The following SYBU variants were observed in gnomAD, a reference collection of about 807,000 sequenced individuals.
The protein encoded by SYBU is GOLSYN A protein.
In SYBU, 21 loss-of-function variants were observed where a neutral mutation model predicts 35.9. The observed-to-expected ratio is 0.58, with a 90% confidence interval of 0.41 to 0.84. The LOEUF is 0.84. Among genes scored for constraint, SYBU ranks in the 40% least tolerant of loss-of-function variants. The probability of loss-of-function intolerance (pLI) is 0.00; values close to 1 mark genes in which losing one functional copy is unlikely to be tolerated. For missense variants in SYBU, 768 were observed against 848.2 expected, an observed-to-expected ratio of 0.91 and a Z score of 1.17; for synonymous variants, 319 against 324.3, an observed-to-expected ratio of 0.98 and a Z score of 0.18.
At chr8:109,594,414 C>G (rs1324015008) in intron 3 of SYBU, among the ~76,000 whole-genome samples, 2 of 152,090 alleles carry the variant, frequency 1.3e-5, no homozygotes, top group African/African-American at 4.8e-5. Context: ...AATTCTAGAC[C>G]ACAAATGGAA....
chr8:109,651,878 G>A (rs1816156232), intron 1 of SYBU, among the ~76,000 whole-genome samples: 1 of 152,104 alleles, frequency 6.6e-6, no homozygotes, highest in Non-Finnish European at 1.5e-5. Flanking sequence ...ATGACTTATG[G>A]CATATAAAGG....
intron 1 of SYBU, among the ~76,000 whole-genome samples, chr8:109,673,152 T>A (rs968226963): frequency 2.6e-5 from 4 of 152,154 alleles, no homozygotes; most frequent in African/African-American, 9.7e-5. Flanking sequence ...AAGAGAGCAA[T>A]GGATCTCCCA....
At chr8:109,661,272 A>T (rs1816550354) in intron 1 of SYBU, among the ~76,000 whole-genome samples, 1 of 152,228 alleles carries the variant, frequency 6.6e-6, no homozygotes, top group South Asian at 2.1e-4. Context: ...GCTCCCTATC[A>T]GGGTGAGGAG....
chr8:109,632,427 T>A (rs889357519), intron 2 of SYBU, among the ~76,000 whole-genome samples: 2 of 152,204 alleles, frequency 1.3e-5, no homozygotes, highest in Non-Finnish European at 2.9e-5. Context: ...AAGTGAGTTG[T>A]CTTGTAGCAA....
Position 109,586,165 on chromosome 8 carries a change from G to C in SYBU, c.428-3C>G. 6.3e-7 allele frequency: 1 copy of C among 1,598,618 alleles called. No individual in the cohort carries two copies. The highest frequency in any genetic ancestry group is 8.5e-7 in the Non-Finnish European group (1 of 1,172,060). ...GGAGCTAAAATCAGCTTCACTACCT[G>C]AAAAACAACAGGGGAGAGAGAAGCG... On this transcript the variant is annotated splice_polypyrimidine_tract_variant and splice_region_variant and intron_variant, in intron 3 of 6. Coordinates refer to ENST00000276646, the MANE Select transcript of SYBU (RefSeq NM_001099754.2).
In SYBU at chr8:109,575,782, G is replaced by A; in HGVS notation, c.1116C>T (p.Leu372=). The change falls in exon 7 of 7, where the codon CTC becomes CTT. Residue 372 remains leucine, a synonymous_variant. Transcript: ENST00000276646. ...INIQNKKLES[L]LQSMEMAHSG... The stretch of plus-strand genomic sequence containing the variant: ...TGTGTGCCATCTCCATGCTCTGAAG[G>A]AGAGACTCCAGCTTCTTGTTTTGGA... 1.2e-6 allele frequency: 2 copies of A among 1,614,128 alleles called. No individual in the cohort carries two copies. The highest frequency in any genetic ancestry group is 1.1e-5 in the South Asian group (1 of 91,084).
chr8:109,639,489 T>C (rs1814611843), intron 2 of SYBU, among the ~76,000 whole-genome samples: 1 of 152,242 alleles, frequency 6.6e-6, no homozygotes, highest in African/African-American at 2.4e-5. Context: ...CCTTCCTCTA[T>C]AATTTCATTA....
At chr8:109,629,490 G>A (rs1813354618) in intron 2 of SYBU, among the ~76,000 whole-genome samples, 1 of 152,188 alleles carries the variant, frequency 6.6e-6, no homozygotes, top group Non-Finnish European at 1.5e-5. Flanking sequence ...ATCAGTAAGT[G>A]GCAGAGTGTA....
At chr8:109,615,869 G>C (rs1245872990) in intron 3 of SYBU, among the ~76,000 whole-genome samples, 1 of 151,982 alleles carries the variant, frequency 6.6e-6, no homozygotes, top group Non-Finnish European at 1.5e-5. Flanking sequence ...TCTGGAGTAT[G>C]GGTCCATAGT....
chr8:109,665,185 T>G (rs1816711718), intron 1 of SYBU, among the ~76,000 whole-genome samples: 1 of 152,222 alleles, frequency 6.6e-6, no homozygotes, highest in Non-Finnish European at 1.5e-5. Flanking sequence ...TGTATTTTAT[T>G]TAACTTAATA....
chr8:109,629,810 T>C (rs979957616), intron 2 of SYBU, among the ~76,000 whole-genome samples: 10 of 152,072 alleles, frequency 6.6e-5, no homozygotes, highest in Admixed American at 2.0e-4. Flanking sequence ...GCACCTGTGG[T>C]TTCCTGACTT....
intron 1 of SYBU, among the ~76,000 whole-genome samples, chr8:109,650,283 A>G (rs764043117): frequency 1.1e-4 from 16 of 152,226 alleles, no homozygotes; most frequent in Non-Finnish European, 1.8e-4. Context: ...GTTCTCCATA[A>G]TGCACTTTAT....
chr8:109,615,675 TGCTCA>T (rs1325319094), intron 3 of SYBU, among the ~76,000 whole-genome samples: 1 of 152,204 alleles, frequency 6.6e-6, no homozygotes, highest in Non-Finnish European at 1.5e-5. Context: ...AGCTAAAAAC[TGCTCA>T]GGTGATATTT....
At chr8:109,637,179 G>A (rs1814325460) in intron 2 of SYBU, among the ~76,000 whole-genome samples, 1 of 152,186 alleles carries the variant, frequency 6.6e-6, no homozygotes, top group Non-Finnish European at 1.5e-5. Context: ...CAATAGTTTT[G>A]GGGTAAGGCC....
chr8:109,686,353 C>G (rs7826348), intron 1 of SYBU, among the ~76,000 whole-genome samples: 13,457 of 152,174 alleles, frequency 0.088, 674 homozygotes, highest in East Asian at 0.12. Flanking sequence ...AAAGAATGTT[C>G]ATATAGATAA....
chr8:109,672,535 A>C (rs143547762), intron 1 of SYBU, among the ~76,000 whole-genome samples: 2 of 152,322 alleles, frequency 1.3e-5, no homozygotes, highest in East Asian at 3.9e-4. Flanking sequence ...TTCACAACCC[A>C]CAGACCAGGA....
intron 1 of SYBU, among the ~76,000 whole-genome samples, chr8:109,671,047 A>G (rs1232942938): frequency 6.6e-6 from 1 of 152,190 alleles, no homozygotes; most frequent in Non-Finnish European, 1.5e-5. Context: ...CTTCTAGATG[A>G]AGTTACTTGT....
intron 3 of SYBU, among the ~76,000 whole-genome samples, chr8:109,586,759 A>G (rs1415525010): frequency 2.0e-5 from 3 of 152,254 alleles, no homozygotes; most frequent in Non-Finnish European, 2.9e-5. Flanking sequence ...ACAGAAAAGC[A>G]GAAATTTAAC....
In SYBU at chr8:109,574,895, A is replaced by G. The variant is rs1382817208; in HGVS notation, c.*11T>C. On this transcript the variant is annotated 3_prime_UTR_variant, in exon 7 of 7. Transcript: ENST00000276646. ...TGGGACACATTGGCACACGGTAACA[A>G]CAACTTCTATTTAGGTTTTGATACG... 7 of 1,512,518 alleles carry G rather than the reference A, an allele frequency of 4.6e-6. No homozygotes were observed. The highest frequency in any genetic ancestry group is 1.8e-4 in the Middle Eastern group (1 of 5,576). 93.7% of individuals were successfully genotyped at this position (1,512,518 alleles called of 1,614,324 possible). A position where few individuals can be genotyped will look rare whatever the true frequency, so the allele number is the denominator to read the frequency against.
Sources: allele counts gnomAD v4.1 joint callset (sites outside exome capture counted in the v4.1 genomes callset), GRCh38; gene constraint gnomAD v4.1.1; transcripts MANE v1.5; gene names NCBI Gene and HGNC (gene_info 2026-07-23, HGNC 2026-07-21).